Variants in CDKAL1 observed in about 807,000 individuals in gnomAD.
CDKAL1 encodes the protein threonylcarbamoyladenosine tRNA methylthiotransferase.
In CDKAL1, 32 loss-of-function variants were observed where a neutral mutation model predicts 68.2. The ratio of observed to expected loss-of-function variants is 0.47; its 90% CI spans 0.35 to 0.63. The LOEUF is 0.63. Ranked by LOEUF, CDKAL1 falls within the 30% of genes least tolerant of loss-of-function variation. The pLI, the probability that CDKAL1 is intolerant of heterozygous loss-of-function variation, is 0.00. For synonymous variants in CDKAL1, 234 were observed against 244.3 expected (o/e 0.96, Z 0.39); for missense variants, 606 against 696.7 (o/e 0.87, Z 1.47).
At chr6:21,093,894 C>CTT (rs33945169) in intron 12 of CDKAL1, among the ~76,000 whole-genome samples, 17,903 of 110,832 alleles carry the variant, frequency 0.16, 1,745 homozygotes, top group East Asian at 0.24. Flanking sequence ...CCACACCTGG[C>CTT]TTTTTTTTTT....
chr6:21,072,099 T>C (rs1458455633), intron 12 of CDKAL1, among the ~76,000 whole-genome samples: 1 of 152,192 alleles, frequency 6.6e-6, no homozygotes. Flanking sequence ...TGAAATTCTA[T>C]GGTGATTTTA....
chr6:21,058,943 G>A (rs573851311), intron 11 of CDKAL1, among the ~76,000 whole-genome samples: 4 of 152,326 alleles, frequency 2.6e-5, no homozygotes, highest in Non-Finnish European at 4.4e-5. Flanking sequence ...TTGGTGGAGC[G>A]GGTTTGCTGC....
intron 4 of CDKAL1, among the ~76,000 whole-genome samples, chr6:20,639,650 AT>A (rs1768072967): frequency 2.0e-5 from 3 of 152,128 alleles, no homozygotes; most frequent in Admixed American, 1.3e-4. Context: ...AAATTAATCT[AT>A]TGACCAGAAT....
At chr6:20,746,588 A>G (rs1773673338) in intron 6 of CDKAL1, among the ~76,000 whole-genome samples, 1 of 152,210 alleles carries the variant, frequency 6.6e-6, no homozygotes, top group South Asian at 2.1e-4. Flanking sequence ...GGCTTAATAG[A>G]GAAGTTAATA....
At chr6:20,928,871 G>A (rs1471581086) in intron 9 of CDKAL1, among the ~76,000 whole-genome samples, 1 of 151,732 alleles carries the variant, frequency 6.6e-6, no homozygotes, top group African/African-American at 2.4e-5. Flanking sequence ...TAATACTGTA[G>A]AATTGAAAAA....
rs577483683 is a variant in CDKAL1 at position 20,763,474 on chromosome 6, C to T, written c.517+4831C>T. On this transcript the variant is annotated intron_variant, in intron 7 of 15. Transcript: ENST00000274695. Reference sequence around the variant, plus strand: ...CAGTGAGCCATCTGCTTTGCTGGTACCCTGATTGATAAGAAGTTAGCTGTG... The same window carrying T: ...CAGTGAGCCATCTGCTTTGCTGGTATCCTGATTGATAAGAAGTTAGCTGTG... 3.9e-5 allele frequency among the ~76,000 whole-genome samples: 6 copies of T among 152,234 alleles called. No individual in the cohort carries two copies. The East Asian group carries it at 9.6e-4, about 24-fold the overall frequency.
chr6:20,792,115 A>G (rs189793470), intron 8 of CDKAL1, among the ~76,000 whole-genome samples: 3 of 152,334 alleles, frequency 2.0e-5, no homozygotes, highest in African/African-American at 7.2e-5. Context: ...TTATTTTTGA[A>G]ACCACTTTGC....
intron 12 of CDKAL1, among the ~76,000 whole-genome samples, chr6:21,090,393 C>A (rs1772934707): frequency 1.3e-5 from 2 of 152,186 alleles, no homozygotes; most frequent in Non-Finnish European, 2.9e-5. Context: ...AACTTCAACA[C>A]ATTTGATTGC....
intron 15 of CDKAL1, among the ~76,000 whole-genome samples, chr6:21,215,845 G>T (rs1437941829): frequency 6.6e-6 from 1 of 152,138 alleles, no homozygotes; most frequent in Non-Finnish European, 1.5e-5. Context: ...CCTAGAACCT[G>T]TGAATATGTT....
chr6:20,864,619 G>A (rs769491502), intron 9 of CDKAL1, among the ~76,000 whole-genome samples: 1 of 152,106 alleles, frequency 6.6e-6, no homozygotes, highest in Admixed American at 6.6e-5. Flanking sequence ...AAAAAATAAA[G>A]TGCTACTTAA....
intron 4 of CDKAL1, among the ~76,000 whole-genome samples, chr6:20,610,870 T>A (rs1766588508): frequency 6.6e-6 from 1 of 152,190 alleles, no homozygotes. Flanking sequence ...TTTGAAACTT[T>A]AAAATATTTT....
chr6:20,636,835 G>C (rs1163451165), intron 4 of CDKAL1, among the ~76,000 whole-genome samples: 1 of 151,318 alleles, frequency 6.6e-6, no homozygotes, highest in Non-Finnish European at 1.5e-5. Context: ...TCAGGAGTTC[G>C]AGACCAGCCT....
chr6:21,059,417 C>G (rs1229488877), intron 11 of CDKAL1, among the ~76,000 whole-genome samples: 3 of 152,202 alleles, frequency 2.0e-5, no homozygotes, highest in Admixed American at 2.0e-4. Context: ...TGCTTGAGAC[C>G]CAAGATCCTG....
rs186672984 is a variant in CDKAL1, at chr6:20,696,128, G to A, written c.372-43391G>A. ...AGTTACATTTGCATTTCTTCTCTTA[G>A]CTGTTGTCCCAAAGGCATTCCACAT... On this transcript the variant is annotated intron_variant, in intron 5 of 15. Transcript: ENST00000274695. Among the ~76,000 whole-genome samples the A allele has an allele frequency of 4.3e-3, 658 of 152,328 alleles. 5 individuals are homozygous for A. The highest frequency in any genetic ancestry group is 0.015 in the African/African-American group (624 of 41,578).
rs993517553 is a variant in CDKAL1, at chr6:20,546,663, C to T, written c.173+140C>T. On this transcript the variant is annotated intron_variant, in intron 3 of 15. Coordinates refer to ENST00000274695, the MANE Select transcript of CDKAL1 (RefSeq NM_017774.3). ...CCTCCTCCTGGATTCAAGCTATTCT[C>T]CTGCCTCTGCCTCCCTAGTAGCTGT... 5.1e-6 allele frequency: 3 copies of T among 591,734 alleles called. No homozygotes were observed. In the African/African-American group the frequency reaches 5.6e-5, roughly 11 times the overall value. The allele number at this position is 591,734 out of a possible 1,614,324, so 36.7% of individuals were successfully genotyped here. A position where few individuals can be genotyped will look rare whatever the true frequency, so the allele number is the denominator to read the frequency against.
intron 12 of CDKAL1, among the ~76,000 whole-genome samples, chr6:21,095,736 A>T (rs1010505597): frequency 3.3e-5 from 5 of 152,232 alleles, no homozygotes; most frequent in Admixed American, 3.3e-4. Flanking sequence ...TGATTTCTGA[A>T]GTGACATAAA....
intron 9 of CDKAL1, among the ~76,000 whole-genome samples, chr6:20,946,581 CACAATCCATACCT>C (rs1380111741): frequency 6.7e-6 from 1 of 149,794 alleles, no homozygotes; most frequent in Non-Finnish European, 1.5e-5. Flanking sequence ...AATCCAGTAC[CACAATCCATACCT>C]TTTTTTTTTT....
At chr6:20,820,639 C>G (rs1777239515) in intron 8 of CDKAL1, among the ~76,000 whole-genome samples, 1 of 152,062 alleles carries the variant, frequency 6.6e-6, no homozygotes, top group Admixed American at 6.6e-5. Flanking sequence ...GCCCCAGTGT[C>G]CTATATTCTT....
chr6:21,156,424 C>CAA lies in CDKAL1; in HGVS notation c.1300-41580_1300-41579dup, dbSNP rs372631710. On this transcript the variant is annotated intron_variant, in intron 13 of 15. Coordinates refer to ENST00000274695, the MANE Select transcript of CDKAL1 (RefSeq NM_017774.3). ...GGGTGACAGAGCGAGACCCTGTCTC[C>CAA]AAAAAAAAAAAAAAAAAAGGAAAAA... Among the ~76,000 whole-genome samples, 263 of 85,106 alleles carry CAA rather than the reference C, an allele frequency of 3.1e-3. 12 individuals carry two copies. Among genetic ancestry groups the CAA allele is most frequent in the East Asian group, 5.9e-3 (17 of 2,892 alleles). The allele number at this position is 85,106 out of a possible 152,430, so 55.8% of individuals were successfully genotyped here.
Sources: allele counts gnomAD v4.1 joint callset (sites outside exome capture counted in the v4.1 genomes callset), GRCh38; gene constraint gnomAD v4.1.1; transcripts MANE v1.5; gene names NCBI Gene and HGNC (gene_info 2026-07-23, HGNC 2026-07-21).